The following LAMA2 variants were observed in gnomAD, a reference collection of about 807,000 sequenced individuals.
LAMA2 encodes laminin subunit alpha 2, also known as laminin subunit alpha-2.
LAMA2 carries 269 observed loss-of-function variants against 364.8 expected under a neutral mutation model. The ratio of observed to expected loss-of-function variants is 0.74; its 90% CI spans 0.67 to 0.82. The LOEUF is 0.82. LAMA2 is among the 40% of genes least tolerant of loss of function. The pLI, the probability that LAMA2 is intolerant of heterozygous loss-of-function variation, is 0.00. For synonymous variants in LAMA2, 1,379 were observed against 1,370.6 expected (o/e 1.01, Z -0.14); for missense variants, 3,807 against 3,873.2 (o/e 0.98, Z 0.45).
At chr6:129,323,244 TA>T (rs1448676024) in intron 28 of LAMA2, among the ~76,000 whole-genome samples, 1 of 152,210 alleles carries the variant, frequency 6.6e-6, no homozygotes, top group Non-Finnish European at 1.5e-5. Flanking sequence ...CCCATTCCAG[TA>T]ACATATGCTT....
intron 4 of LAMA2, among the ~76,000 whole-genome samples, chr6:129,121,945 C>T (rs926704353): frequency 1.3e-5 from 2 of 152,072 alleles, no homozygotes; most frequent in African/African-American, 4.8e-5. Context: ...TGTCGCTTCA[C>T]TGCAGGAAAA....
intron 1 of LAMA2, among the ~76,000 whole-genome samples, chr6:128,932,433 T>C (rs1410259949): frequency 6.6e-6 from 1 of 152,206 alleles, no homozygotes. Context: ...AGATATGGGA[T>C]ATAATTCCAG....
rs749614184 is a variant in LAMA2, at chr6:129,205,478, G to GTATATATATATATATATA, written c.1782+12641_1782+12642insTATATATATATATATATA. ...TCTCTTCTGGGAATTTATTCTGTAAGTATATATATATATATACACACACAC... is the reference window on the plus strand; with the variant it reads ...TCTCTTCTGGGAATTTATTCTGTAAGTATATATATATATATATATATATATATATATATACACACACAC... On this transcript the variant is annotated intron_variant, in intron 12 of 64. Transcript: ENST00000421865. Among the ~76,000 whole-genome samples, 317 of 115,938 alleles carry GTATATATATATATATATA rather than the reference G, an allele frequency of 2.7e-3. 4 individuals are homozygous for GTATATATATATATATATA. Among genetic ancestry groups the GTATATATATATATATATA allele is most frequent in the African/African-American group, 0.01 (219 of 21,806 alleles). 76.1% of individuals were successfully genotyped at this position (115,938 alleles called of 152,430 possible). A position where few individuals can be genotyped will look rare whatever the true frequency, so the allele number is the denominator to read the frequency against.
At chr6:129,328,452 C>G in intron 29 of LAMA2, 40 bp downstream of exon 29, 4 of 1,613,814 alleles carry the variant, frequency 2.5e-6, no homozygotes, top group South Asian at 1.1e-5. Flanking sequence ...TCCATGTGCT[C>G]ATTCCTCTTT....
chr6:129,270,577 A>T, intron 16 of LAMA2, 47 bp from the exon 17 acceptor site: 8 of 1,608,590 alleles, frequency 5.0e-6, no homozygotes, highest in Non-Finnish European at 6.8e-6. Flanking sequence ...CAACATGTTG[A>T]TCCCTGACAC....
chr6:128,957,503 A>T (rs1781223188), intron 1 of LAMA2, among the ~76,000 whole-genome samples: 1 of 152,094 alleles, frequency 6.6e-6, no homozygotes, highest in African/African-American at 2.4e-5. Flanking sequence ...GTTCTACAGC[A>T]GCTGCTCCAC....
intron 3 of LAMA2, among the ~76,000 whole-genome samples, chr6:129,064,009 G>T (rs1410306420): frequency 6.6e-6 from 1 of 151,984 alleles, no homozygotes; most frequent in Non-Finnish European, 1.5e-5. Flanking sequence ...ACATATTAAA[G>T]GTGATCCAAT....
At chr6:129,417,530 C>T (rs976779363) in intron 40 of LAMA2, among the ~76,000 whole-genome samples, 3 of 152,218 alleles carry the variant, frequency 2.0e-5, no homozygotes, top group East Asian at 1.9e-4. Flanking sequence ...TTTGTGGAAC[C>T]GACAGTCCAG....
In LAMA2 at chr6:129,503,143, T is replaced by A; in HGVS notation, c.8410T>A (p.Tyr2804Asn). 6.2e-7 allele frequency: 1 copy of A among 1,614,230 alleles called. No individual in the cohort carries two copies. The highest frequency in any genetic ancestry group is 2.2e-5 in the East Asian group (1 of 44,874). ...RTEAESGLLF[Y>N]MARINHADFA... Reference sequence around the variant, plus strand: ...CGAAGCTGAATCCGGCTTGCTTTTTTACATGGCTCGCATCAATCATGCTGA... The same window carrying A: ...CGAAGCTGAATCCGGCTTGCTTTTTAACATGGCTCGCATCAATCATGCTGA... The change falls in exon 60 of 65, where the codon TAC becomes AAC. Residue 2804 changes from tyrosine to asparagine, a missense_variant. Physicochemically the swap from Tyr to Asn is moderately radical, Grantham distance 143. Coordinates refer to ENST00000421865, the MANE Select transcript of LAMA2 (RefSeq NM_000426.4).
intron 30 of LAMA2, among the ~76,000 whole-genome samples, chr6:129,344,304 A>G (rs1776427370): frequency 1.3e-5 from 2 of 152,212 alleles, no homozygotes; most frequent in Non-Finnish European, 2.9e-5. Flanking sequence ...AAAGGAATGA[A>G]TGTGAGAAAA....
At chr6:129,495,336 G>T (rs1785104993) in intron 58 of LAMA2, among the ~76,000 whole-genome samples, 1 of 151,910 alleles carries the variant, frequency 6.6e-6, no homozygotes, top group Non-Finnish European at 1.5e-5. Flanking sequence ...GGTATTCTTT[G>T]TATTATCTCA....
At chr6:129,128,936 C>G (rs1777283670) in intron 4 of LAMA2, among the ~76,000 whole-genome samples, 1 of 152,004 alleles carries the variant, frequency 6.6e-6, no homozygotes, top group South Asian at 2.1e-4. Flanking sequence ...CTTAAGTAAA[C>G]TATCCTTGGC....
chr6:129,496,767 G>T (rs1785225569), intron 58 of LAMA2, among the ~76,000 whole-genome samples: 2 of 152,162 alleles, frequency 1.3e-5, no homozygotes. Flanking sequence ...GCTAGTCAGA[G>T]AAAAAGAGGG....
chr6:128,992,066 C>T (rs999105069), intron 1 of LAMA2, among the ~76,000 whole-genome samples: 1 of 152,134 alleles, frequency 6.6e-6, no homozygotes, highest in Non-Finnish European at 1.5e-5. Context: ...AATGATAGAG[C>T]CTTAGCATTT....
chr6:129,079,221 A>C (rs1773866556), intron 3 of LAMA2, among the ~76,000 whole-genome samples: 1 of 152,202 alleles, frequency 6.6e-6, no homozygotes, highest in African/African-American at 2.4e-5. Context: ...AGAGAGAGGG[A>C]GAAGCTACAT....
chr6:129,305,597 C>T (rs574963932), intron 22 of LAMA2, among the ~76,000 whole-genome samples: 1 of 152,122 alleles, frequency 6.6e-6, no homozygotes, highest in South Asian at 2.1e-4. Flanking sequence ...AGGTGTATAC[C>T]ACCATGCCTA....
intron 1 of LAMA2, among the ~76,000 whole-genome samples, chr6:128,926,217 A>T (rs955436834): frequency 2.0e-5 from 3 of 152,058 alleles, no homozygotes; most frequent in African/African-American, 7.2e-5. Context: ...ATCTTTCCAC[A>T]ACTCTGAGTT....
At chr6:128,988,588 G>T (rs1271284296) in intron 1 of LAMA2, among the ~76,000 whole-genome samples, 2 of 152,096 alleles carry the variant, frequency 1.3e-5, no homozygotes, top group Admixed American at 1.3e-4. Flanking sequence ...AGCATTACCT[G>T]GACAATTAAA....
At chr6:129,275,787 G>A (rs1788280069) in intron 17 of LAMA2, among the ~76,000 whole-genome samples, 1 of 150,108 alleles carries the variant, frequency 6.7e-6, no homozygotes, top group African/African-American at 2.4e-5. Flanking sequence ...AATTTATTAT[G>A]GCAATATGCT....
Sources: allele counts gnomAD v4.1 joint callset (sites outside exome capture counted in the v4.1 genomes callset), GRCh38; gene constraint gnomAD v4.1.1; transcripts MANE v1.5; gene names NCBI Gene and HGNC (gene_info 2026-07-23, HGNC 2026-07-21).